Variants in CDH6 observed in about 807,000 individuals in gnomAD.
CDH6 encodes the protein cadherin-6.
A neutral mutation model predicts 78.0 loss-of-function variants in CDH6; 31 were observed. The ratio of observed to expected loss-of-function variants is 0.40; its 90% confidence interval spans 0.30 to 0.54. The LOEUF (loss-of-function observed/expected upper bound fraction) is 0.54, where lower values mean the gene tolerates loss of function less well. Among genes scored for constraint, CDH6 ranks in the 20% least tolerant of loss-of-function variants. The pLI, the probability that CDH6 is intolerant of heterozygous loss-of-function variation, is 0.56. For synonymous variants in CDH6, 376 were observed against 368.8 expected, an observed-to-expected ratio of 1.02 and a Z score of -0.23; for missense variants, 724 against 975.9, an observed-to-expected ratio of 0.74 and a Z score of 3.44.
At position 31,317,511 on chromosome 5, in the gene CDH6, CCTT is replaced by C; in HGVS notation, c.1630+22_1630+24del. On this transcript the variant is annotated intron_variant, in intron 10 of 11. Coordinates refer to ENST00000265071, the MANE Select transcript of CDH6 (RefSeq NM_004932.4). ...AACAAAGGTAAATGAGTTCAAGTTA[CCTT>C]CTCTATCTATCTCCATCTATATCCG... 2 of 1,554,686 alleles carry C rather than the reference CCTT, an allele frequency of 1.3e-6. No individual in the cohort carries two copies. Among genetic ancestry groups the C allele is most frequent in the Non-Finnish European group, 1.8e-6 (2 of 1,128,000 alleles).
Position 31,322,823 on chromosome 5 carries a change from G to A in CDH6, c.1888G>A (p.Val630Met). 6.2e-7 allele frequency: 1 copy of A among 1,611,352 alleles called. No individual in the cohort carries two copies. The highest frequency in any genetic ancestry group is 8.5e-7 in the Non-Finnish European group (1 of 1,177,952). ...LLCIVILLVT[V>M]VLFAALRRQR... The stretch of plus-strand genomic sequence containing the variant: ...GTTTTGTTTTCTGCTTCCAGTGACA[G>A]TGGTGCTGTTTGCAGCTCTGAGGCG... Residue 630 changes from valine (V) to methionine (M), a missense_variant, in exon 12 of 12, where the codon GTG (valine) becomes ATG (methionine). Physicochemically the swap from Val to Met is conservative, Grantham distance 21. Transcript: ENST00000265071.
At chr5:31,194,096 C>G (rs939559769) in intron 1 of CDH6, among the ~76,000 whole-genome samples, 2 of 151,940 alleles carry the variant, frequency 1.3e-5, no homozygotes, top group East Asian at 2.0e-4. Context: ...TGCTCAGGAC[C>G]GACGCCGCTT....
intron 3 of CDH6, among the ~76,000 whole-genome samples, chr5:31,295,303 T>C (rs1344832504): frequency 6.6e-6 from 1 of 152,152 alleles, no homozygotes; most frequent in Non-Finnish European, 1.5e-5. Flanking sequence ...AGCAATAGAA[T>C]GGCATTCTTT....
intron 2 of CDH6, among the ~76,000 whole-genome samples, chr5:31,292,852 C>CATATATATATATAT (rs140377309): frequency 0.011 from 93 of 8,762 alleles, 1 homozygote; most frequent in African/African-American, 0.016. Flanking sequence ...TATATGTGTG[C>CATATATATATATAT]ATATATATAT....
At chr5:31,304,106 G>A (rs1737906022) in intron 6 of CDH6, among the ~76,000 whole-genome samples, 1 of 151,492 alleles carries the variant, frequency 6.6e-6, no homozygotes, top group South Asian at 2.1e-4. Flanking sequence ...TACTTTCTTT[G>A]ACAAATAATT....
At chr5:31,292,609 G>A (rs1737405753) in intron 2 of CDH6, among the ~76,000 whole-genome samples, 1 of 151,924 alleles carries the variant, frequency 6.6e-6, no homozygotes, top group African/African-American at 2.4e-5. Context: ...GAGAGTAGCA[G>A]CCTTCCCACT....
chr5:31,215,635 C>T (rs2111818182), intron 1 of CDH6, among the ~76,000 whole-genome samples: 1 of 152,052 alleles, frequency 6.6e-6, no homozygotes, highest in East Asian at 1.9e-4. Context: ...AAGTAAAGAG[C>T]TTTGCCACAG....
chr5:31,261,159 AT>A (rs1742202019), intron 1 of CDH6, among the ~76,000 whole-genome samples: 2 of 151,768 alleles, frequency 1.3e-5, no homozygotes, highest in South Asian at 4.2e-4. Context: ...CATCTTCCTT[AT>A]TTTTTCATTC....
chr5:31,223,143 T>A (rs1387167011), intron 1 of CDH6, among the ~76,000 whole-genome samples: 1 of 152,200 alleles, frequency 6.6e-6, no homozygotes, highest in African/African-American at 2.4e-5. Context: ...CCCTGTTGAC[T>A]TATGTACAAG....
In CDH6 at chr5:31,322,901, A is replaced by G; in HGVS notation, c.1966A>G (p.Ile656Val). 1 of 1,614,188 alleles carries G rather than the reference A, an allele frequency of 6.2e-7. No individual in the cohort carries two copies. The highest frequency in any genetic ancestry group is 8.5e-7 in the Non-Finnish European group (1 of 1,180,028). Residue 656 changes from isoleucine to valine, a missense_variant, in exon 12 of 12, where the codon ATT becomes GTT. By Grantham distance (29) the Ile-to-Val change is conservative. Around this residue, in one of 3 missense-constraint regions of CDH6, gnomAD observed 220 missense variants for 240.6 expected, o/e 0.91. Transcript: ENST00000265071. ...TTCCAAAGAGGACATCAGAGATAACATTGTCAGTTACAACGACGAAGGTGG... is the reference window on the plus strand; with the variant it reads ...TTCCAAAGAGGACATCAGAGATAACGTTGTCAGTTACAACGACGAAGGTGG... ...IISKEDIRDN[I>V]VSYNDEGGGE...
chr5:31,224,946 G>A (rs1741107978), intron 1 of CDH6, among the ~76,000 whole-genome samples: 1 of 152,166 alleles, frequency 6.6e-6, no homozygotes, highest in Admixed American at 6.5e-5. Context: ...TAAAGCAATG[G>A]TTGTCAACTA....
At chr5:31,266,622 A>G (rs1742363858) in intron 1 of CDH6, among the ~76,000 whole-genome samples, 1 of 143,318 alleles carries the variant, frequency 7.0e-6, no homozygotes, top group Non-Finnish European at 1.5e-5. Context: ...CTATAGTATT[A>G]TTAGGTCCTC....
At chr5:31,293,830 TAA>T (rs200606558) in intron 2 of CDH6, 130 bp from the exon 3 acceptor site, 153 of 447,730 alleles carry the variant, frequency 3.4e-4, no homozygotes, top group South Asian at 6.1e-4. Context: ...ACGTAAATAG[TAA>T]AAAAAAAAAA....
chr5:31,302,267 A>G lies in CDH6; in HGVS notation c.968A>G (p.Glu323Gly). 1 of 1,613,670 alleles carries G rather than the reference A, an allele frequency of 6.2e-7. No homozygotes were observed. Among genetic ancestry groups the G allele is most frequent in the Non-Finnish European group, 8.5e-7 (1 of 1,179,636 alleles). ...ATGTTTGATGTCATCACCGACCAGG[A>G]AACCCAGGAAGGGATTATAACTGTC... ...LDMFDVITDQ[E>G]TQEGIITVKK... The change falls in exon 6 of 12, where the codon GAA becomes GGA. Residue 323 changes from glutamate to glycine, a missense_variant. Coordinates refer to ENST00000265071, the MANE Select transcript of CDH6 (RefSeq NM_004932.4).
In CDH6 at chr5:31,232,278, A is replaced by C. The variant is rs147601307; in HGVS notation, c.-128-35068A>C. 2.7e-3 allele frequency among the ~76,000 whole-genome samples: 404 copies of C among 152,322 alleles called. 1 individual carries two copies. Among genetic ancestry groups the C allele is most frequent in the African/African-American group, 9.1e-3 (379 of 41,572 alleles). On this transcript the variant is annotated intron_variant, in intron 1 of 11. Coordinates refer to ENST00000265071, the MANE Select transcript of CDH6 (RefSeq NM_004932.4). Reference sequence around the variant, plus strand: ...TCAAAAAAGTGTTTCTGTTCCCCTCAATTAAATACATAACTGGAAAACAGT... The same window carrying C: ...TCAAAAAAGTGTTTCTGTTCCCCTCCATTAAATACATAACTGGAAAACAGT...
At position 31,226,363 on chromosome 5, in the gene CDH6, C is replaced by T. The variant is rs1326208040; in HGVS notation, c.-129+32477C>T. ...CTAATTTTTGTATTTTTAATAGAGA[C>T]GAGGTTTCACCATGTTGGCCAGGGT... is the stretch of plus-strand genomic sequence containing the variant. On this transcript the variant is annotated intron_variant, in intron 1 of 11. Transcript: ENST00000265071. Among the ~76,000 whole-genome samples the T allele has an allele frequency of 4.6e-5, 7 of 152,072 alleles. No homozygotes were observed. The South Asian group carries it at 6.2e-4, about 14-fold the overall frequency.
chr5:31,219,005 A>ATT (rs1740938296), intron 1 of CDH6, among the ~76,000 whole-genome samples: 1 of 152,158 alleles, frequency 6.6e-6, no homozygotes. Context: ...TGTTTCTATT[A>ATT]AGGTGATTTT....
chr5:31,258,483 GT>G (rs1326333183), intron 1 of CDH6, among the ~76,000 whole-genome samples: 1 of 152,152 alleles, frequency 6.6e-6, no homozygotes, highest in African/African-American at 2.4e-5. Flanking sequence ...ACCGGGGCCT[GT>G]TTGTGGGTGA....
At chr5:31,210,583 G>A (rs1561024713) in intron 1 of CDH6, among the ~76,000 whole-genome samples, 1 of 152,134 alleles carries the variant, frequency 6.6e-6, no homozygotes, top group Non-Finnish European at 1.5e-5. Flanking sequence ...ATCAGTATCT[G>A]TAGAGAATTG....
Sources: gnomAD v4.1 joint callset for allele counts (sites outside exome capture counted in the v4.1 genomes callset) on GRCh38, gnomAD v4.1.1 for gene constraint, gnomAD v4.1.1 regional missense constraint, MANE v1.5 for transcripts, NCBI Gene and HGNC (gene_info 2026-07-23, HGNC 2026-07-21) for gene names.